Variants in EPB41L5 observed in about 807,000 individuals in gnomAD.
The protein encoded by EPB41L5 is erythrocyte membrane protein band 4.1 like 5.
In EPB41L5, 55 loss-of-function variants were observed where a neutral mutation model predicts 106.6. That is an observed-to-expected ratio of 0.52 (90% CI 0.42 to 0.65). The LOEUF is 0.65. Among genes scored for constraint, EPB41L5 ranks in the 30% least tolerant of loss-of-function variants. EPB41L5 has a pLI of 0.00. For missense variants in EPB41L5, 871 were observed against 882.1 expected, an observed-to-expected ratio of 0.99 and a Z score of 0.16; for synonymous variants, 297 against 306.7, an observed-to-expected ratio of 0.97 and a Z score of 0.33.
chr2:120,084,738 T>C (rs1018752118), intron 10 of EPB41L5, among the ~76,000 whole-genome samples: 23 of 152,180 alleles, frequency 1.5e-4, no homozygotes, highest in African/African-American at 4.8e-5. Context: ...TTGGTTCCAT[T>C]CTCCCCTTGA....
At chr2:120,127,297 A>C (rs1259066127) in intron 16 of EPB41L5, among the ~76,000 whole-genome samples, 1 of 152,192 alleles carries the variant, frequency 6.6e-6, no homozygotes, top group African/African-American at 2.4e-5. Flanking sequence ...CTTTTCCATG[A>C]ATCTTATTCC....
intron 24 of EPB41L5, among the ~76,000 whole-genome samples, chr2:120,170,642 A>G (rs1687634855): frequency 6.6e-6 from 1 of 152,238 alleles, no homozygotes; most frequent in African/African-American, 2.4e-5. Context: ...AATCACAGAA[A>G]TAACATCCTT....
At chr2:120,064,473 A>G (rs552417817) in intron 3 of EPB41L5, among the ~76,000 whole-genome samples, 1 of 152,280 alleles carries the variant, frequency 6.6e-6, no homozygotes, top group East Asian at 1.9e-4. Context: ...GGGTATGTAT[A>G]TGTTAGTGTT....
intron 2 of EPB41L5, among the ~76,000 whole-genome samples, chr2:120,033,802 G>A (rs958398572): frequency 6.6e-6 from 1 of 151,344 alleles, no homozygotes; most frequent in African/African-American, 2.4e-5. Flanking sequence ...AAAATAGATT[G>A]TGCATTGTTG....
At chr2:120,163,277 AAAG>A (rs2105543943) in intron 21 of EPB41L5, among the ~76,000 whole-genome samples, 1 of 139,664 alleles carries the variant, frequency 7.2e-6, no homozygotes, top group Non-Finnish European at 1.6e-5. Context: ...CCCCCCAAAA[AAAG>A]AAAGAAATGT....
chr2:120,146,420 C>T, intron 20 of EPB41L5, 131 bp downstream of exon 20: 1 of 584,166 alleles, frequency 1.7e-6, no homozygotes, highest in Non-Finnish European at 3.1e-6. Context: ...CTATTGTATC[C>T]ATTACAGACC....
At chr2:120,159,423 C>CAA (rs36001495) in intron 20 of EPB41L5, among the ~76,000 whole-genome samples, 4 of 95,170 alleles carry the variant, frequency 4.2e-5, no homozygotes, top group Admixed American at 1.1e-4. Context: ...GACTCCATCT[C>CAA]AAAAAAAAAA....
At chr2:120,142,118 A>T (rs78565384) in intron 18 of EPB41L5, among the ~76,000 whole-genome samples, 1 of 36,360 alleles carries the variant, frequency 2.8e-5, no homozygotes, top group Admixed American at 3.7e-4. Context: ...TTTTTTAAAA[A>T]AAAAAAAAAA....
At chr2:120,173,193 T>TTC (rs1390227232) in intron 24 of EPB41L5, among the ~76,000 whole-genome samples, 48 of 152,342 alleles carry the variant, frequency 3.2e-4, no homozygotes, top group Admixed American at 5.9e-4. Flanking sequence ...TTTACATAAT[T>TTC]ACAACAAACA....
chr2:120,131,540 A>G, intron 17 of EPB41L5, 78 bp from the exon 18 acceptor site: 1 of 941,230 alleles, frequency 1.1e-6, no homozygotes, highest in Non-Finnish European at 1.7e-6. Flanking sequence ...AGAAGACAAA[A>G]CAAAACCATA....
chr2:120,024,579 C>A (rs1022419820), intron 2 of EPB41L5, among the ~76,000 whole-genome samples: 9 of 152,098 alleles, frequency 5.9e-5, no homozygotes, highest in Admixed American at 5.2e-4. Flanking sequence ...GCCTCAGCCT[C>A]CCGAGTAGCT....
At chr2:120,019,396 TG>T (rs3216703) in intron 2 of EPB41L5, 132 bp downstream of exon 2, 524,821 of 707,792 alleles carry the variant, frequency 0.74, 199,212 homozygotes, top group Non-Finnish European at 0.79. Flanking sequence ...GATCAGGCAC[TG>T]TAACATTCAG....
intron 20 of EPB41L5, among the ~76,000 whole-genome samples, chr2:120,149,872 T>G (rs923503327): frequency 1.0e-4 from 15 of 150,486 alleles, no homozygotes; most frequent in African/African-American, 3.7e-4. Flanking sequence ...TTCTTTACAC[T>G]CTCATGGTAT....
intron 24 of EPB41L5, among the ~76,000 whole-genome samples, chr2:120,169,768 C>G (rs991853727): frequency 2.0e-5 from 3 of 152,166 alleles, no homozygotes; most frequent in African/African-American, 7.2e-5. Context: ...ATAGGCAGTT[C>G]ACAAACCAAT....
chr2:120,064,916 C>A (rs1026590983), intron 3 of EPB41L5, among the ~76,000 whole-genome samples: 1 of 152,124 alleles, frequency 6.6e-6, no homozygotes, highest in Admixed American at 6.6e-5. Context: ...TGAACCCAGA[C>A]CTTTCCCAGA....
chr2:120,079,569 A>C (rs760954265), intron 10 of EPB41L5, among the ~76,000 whole-genome samples: 1 of 152,154 alleles, frequency 6.6e-6, no homozygotes, highest in South Asian at 2.1e-4. Context: ...CACCCCTATC[A>C]GGCAACCCTT....
intron 3 of EPB41L5, among the ~76,000 whole-genome samples, chr2:120,045,635 C>T (rs1679714076): frequency 6.6e-6 from 1 of 152,032 alleles, no homozygotes; most frequent in African/African-American, 2.4e-5. Context: ...CAAAAGATCC[C>T]ACAGAATCAT....
intron 24 of EPB41L5, among the ~76,000 whole-genome samples, chr2:120,169,208 G>GA (rs918268207): frequency 1.3e-5 from 2 of 151,962 alleles, no homozygotes; most frequent in African/African-American, 4.8e-5. Flanking sequence ...TCTGGTTTAT[G>GA]AAAAAAATGA....
At chr2:120,143,317 C>T (rs1574748586) in intron 19 of EPB41L5, among the ~76,000 whole-genome samples, 186 bp downstream of exon 19, 1 of 152,192 alleles carries the variant, frequency 6.6e-6, no homozygotes, top group East Asian at 1.9e-4. Flanking sequence ...AGAAGTGAGC[C>T]TTCAATGTTT....
Sources: gnomAD v4.1 joint callset for allele counts (sites outside exome capture counted in the v4.1 genomes callset) on GRCh38, gnomAD v4.1.1 for gene constraint, MANE v1.5 for transcripts, NCBI Gene and HGNC (gene_info 2026-07-23, HGNC 2026-07-21) for gene names.